Variants in LPA observed in about 807,000 individuals in gnomAD.
LPA encodes the protein lipoprotein(a).
Under a neutral mutation model 197.9 loss-of-function variants are expected in LPA, and 199 were observed. That is an observed-to-expected ratio of 1.01 (90% CI 0.90 to 1.13). The LOEUF is 1.13. LPA is among the 50% of genes most tolerant of loss of function. The probability of loss-of-function intolerance (pLI) is 0.00; values close to 1 mark genes in which losing one functional copy is unlikely to be tolerated. For synonymous variants in LPA, 715 were observed against 639.5 expected, an observed-to-expected ratio of 1.12 and a Z score of -1.78; for missense variants, 1,853 against 1,785.8, an observed-to-expected ratio of 1.04 and a Z score of -0.68.
In LPA at chr6:160,548,484, CAGA is replaced by C. The variant is rs747493383; in HGVS notation, c.5146_5148del (p.Ser1716del). 7 of 1,613,770 alleles carry C rather than the reference CAGA, an allele frequency of 4.3e-6. No homozygotes were observed. Among genetic ancestry groups the C allele is most frequent in the Non-Finnish European group, 5.9e-6 (7 of 1,179,976 alleles). ...TAAGACACAGACTTCTTACCTTGTT[CAGA>C]AGGAGGCCCTAGGCTTGGAACCTGG... On this transcript the variant is annotated inframe_deletion, in exon 31 of 39. Transcript: ENST00000316300.
chr6:160,610,834 C>T (rs977908820), intron 16 of LPA, among the ~76,000 whole-genome samples: 3 of 151,874 alleles, frequency 2.0e-5, no homozygotes, highest in Admixed American at 6.6e-5. Flanking sequence ...TCATCATTGG[C>T]CCTCTCTCAA....
intron 28 of LPA, among the ~76,000 whole-genome samples, chr6:160,566,987 C>A (rs2115020576): frequency 6.6e-6 from 1 of 152,292 alleles, no homozygotes; most frequent in East Asian, 1.9e-4. Flanking sequence ...CACCTAGATT[C>A]ATAAAGCAAG....
intron 2 of LPA, among the ~76,000 whole-genome samples, chr6:160,647,574 C>T (rs766644552): frequency 7.9e-5 from 12 of 152,092 alleles, no homozygotes; most frequent in Non-Finnish European, 1.3e-4. Context: ...CTTGGCTTCC[C>T]TCTTTTGAAT....
intron 24 of LPA, among the ~76,000 whole-genome samples, chr6:160,587,789 G>T (rs1413890788): frequency 0.012 from 1,459 of 123,762 alleles, 25 homozygotes; most frequent in African/African-American, 0.045. Flanking sequence ...GTGTGTGTGT[G>T]TGTGTGTGTG....
At chr6:160,595,262 G>C in intron 21 of LPA, 92 bp downstream of exon 21, 1 of 1,483,432 alleles carries the variant, frequency 6.7e-7, no homozygotes, top group South Asian at 1.1e-5. Flanking sequence ...TTGGAATTGT[G>C]TGAGCATGGA....
intron 1 of LPA, among the ~76,000 whole-genome samples, chr6:160,654,560 A>C (rs1211366938): frequency 2.0e-5 from 3 of 152,154 alleles, no homozygotes; most frequent in African/African-American, 7.2e-5. Context: ...GAAATCATAC[A>C]TAATCTTCAA....
At chr6:160,557,698 A>G in intron 28 of LPA, 127 bp from the exon 29 acceptor site, 2 of 783,014 alleles carry the variant, frequency 2.6e-6, no homozygotes, top group Non-Finnish European at 4.2e-6. Flanking sequence ...TTTAGGTACA[A>G]TAATATTCCG....
chr6:160,663,823 T>C (rs1780265063), intron 1 of LPA, among the ~76,000 whole-genome samples: 1 of 152,210 alleles, frequency 6.6e-6, no homozygotes, highest in Non-Finnish European at 1.5e-5. Context: ...ATGATATAAA[T>C]TAATGAAACT....
In LPA at chr6:160,657,693, G is replaced by A. The variant is rs539023048; in HGVS notation, c.49+6473C>T. On this transcript the variant is annotated intron_variant, in intron 1 of 38. Transcript: ENST00000316300. ...ATTACAGGCGTGAGCCACTGCTCCC[G>A]GCCCTATCAGAACCTTTTCTAAGTC... Among the ~76,000 whole-genome samples, 13 of 152,142 alleles carry A rather than the reference G, an allele frequency of 8.5e-5. 1 individual carries two copies. Among genetic ancestry groups the A allele is most frequent in the South Asian group, 6.2e-4 (3 of 4,826 alleles).
chr6:160,606,269 A>G (rs987758904), intron 17 of LPA, among the ~76,000 whole-genome samples: 9 of 152,144 alleles, frequency 5.9e-5, no homozygotes, highest in African/African-American at 1.4e-4. Flanking sequence ...GTTTGTGCCA[A>G]TTCTAAAGAC....
chr6:160,602,369 CG>C (rs1779260687), intron 18 of LPA, among the ~76,000 whole-genome samples: 2 of 152,176 alleles, frequency 1.3e-5, no homozygotes, highest in African/African-American at 4.8e-5. Context: ...TACATACCAT[CG>C]TGGATAAGGT....
intron 33 of LPA, among the ~76,000 whole-genome samples, chr6:160,544,038 T>G (rs1376082842): frequency 6.6e-6 from 1 of 152,192 alleles, no homozygotes; most frequent in Non-Finnish European, 1.5e-5. Flanking sequence ...TCTTCCTTCT[T>G]TCTCCAATCT....
intron 26 of LPA, among the ~76,000 whole-genome samples, chr6:160,579,692 G>T (rs1416010144): frequency 2.6e-5 from 4 of 152,102 alleles, no homozygotes; most frequent in Non-Finnish European, 5.9e-5. Flanking sequence ...CATGACCTGT[G>T]GCTGTCTGAG....
chr6:160,647,796 A>T (rs1472809242), intron 2 of LPA, among the ~76,000 whole-genome samples: 1 of 152,214 alleles, frequency 6.6e-6, no homozygotes, highest in African/African-American at 2.4e-5. Flanking sequence ...ACATATGGTA[A>T]AGTTAAATAT....
intron 22 of LPA, among the ~76,000 whole-genome samples, chr6:160,591,939 T>A (rs1779037762): frequency 6.6e-6 from 1 of 152,212 alleles, no homozygotes; most frequent in South Asian, 2.1e-4. Context: ...GAACCCCCTT[T>A]TTTTCTTCTT....
chr6:160,563,971 A>G (rs1208963528), intron 28 of LPA, among the ~76,000 whole-genome samples: 1 of 151,864 alleles, frequency 6.6e-6, no homozygotes, highest in Non-Finnish European at 1.5e-5. Context: ...TCACCCTGAG[A>G]TGGGTCTTCT....
intron 28 of LPA, among the ~76,000 whole-genome samples, chr6:160,567,058 C>A (rs1346840042): frequency 6.6e-6 from 1 of 152,160 alleles, no homozygotes; most frequent in East Asian, 1.9e-4. Flanking sequence ...GACTTTAACA[C>A]CCCACTGTCA....
rs1404366969 is a variant in LPA at position 160,595,364 on chromosome 6, A to G, written c.3459T>C (p.Ser1153=). ...TVVPDPSTEA[S]SEEAPTEQSP... ...CCATAGACTTCCTACCTTCTTCAGA[A>G]GAAGCCTCTGTGCTTGGATCTGGGA... Residue 1153 remains serine (S), a synonymous_variant, in exon 21 of 39, where the codon TCT becomes TCC. Transcript: ENST00000316300. The G allele has an allele frequency of 6.2e-7, 1 of 1,612,548 alleles. No homozygotes were observed. Among genetic ancestry groups the G allele is most frequent in the Admixed American group, 1.7e-5 (1 of 60,022 alleles).
At chr6:160,606,936 C>T (rs530384923) in intron 16 of LPA, among the ~76,000 whole-genome samples, 4 of 152,184 alleles carry the variant, frequency 2.6e-5, no homozygotes, top group Non-Finnish European at 4.4e-5. Context: ...AAAAAACGAT[C>T]AGAGTATTCT....
Sources: gnomAD v4.1 joint callset for allele counts (sites outside exome capture counted in the v4.1 genomes callset) on GRCh38, gnomAD v4.1.1 for gene constraint, MANE v1.5 for transcripts, NCBI Gene and HGNC (gene_info 2026-07-23, HGNC 2026-07-21) for gene names.